Variants in TBC1D1 observed in about 807,000 individuals in gnomAD.
TBC1D1 encodes TBC1 domain family member 1.
In TBC1D1, 89 loss-of-function variants were observed where a neutral mutation model predicts 125.6. The ratio of observed to expected loss-of-function variants is 0.71; its 90% CI spans 0.60 to 0.85. The LOEUF (loss-of-function observed/expected upper bound fraction) is 0.85. Among genes scored for constraint, TBC1D1 ranks in the 40% least tolerant of loss-of-function variants. The probability of loss-of-function intolerance (pLI) is 0.00; values close to 1 mark genes in which losing one functional copy is unlikely to be tolerated. For missense variants in TBC1D1, 1,377 were observed against 1,469.2 expected (o/e 0.94, Z 1.03); for synonymous variants, 565 against 564.1 (o/e 1.00, Z -0.02).
intron 2 of TBC1D1, among the ~76,000 whole-genome samples, chr4:37,986,298 A>G (rs1047502270): frequency 1.3e-5 from 2 of 152,246 alleles, no homozygotes; most frequent in Non-Finnish European, 2.9e-5. Flanking sequence ...TTATGGCAGA[A>G]CTTAAAAAGT....
At chr4:38,129,738 G>A (rs1049876808) in intron 18 of TBC1D1, among the ~76,000 whole-genome samples, 18 of 152,214 alleles carry the variant, frequency 1.2e-4, no homozygotes, top group African/African-American at 4.3e-4. Context: ...ATTCACCGAA[G>A]AGGAGATATC....
At chr4:38,034,028 A>G (rs1440859460) in intron 7 of TBC1D1, among the ~76,000 whole-genome samples, 4 of 152,206 alleles carry the variant, frequency 2.6e-5, no homozygotes, top group Non-Finnish European at 5.9e-5. Flanking sequence ...AAGGAGTGCA[A>G]TTGCTGGGTT....
chr4:37,932,922 C>T (rs984296277), intron 2 of TBC1D1, among the ~76,000 whole-genome samples: 22 of 151,808 alleles, frequency 1.4e-4, no homozygotes, highest in Admixed American at 6.6e-4. Context: ...CCAGAGGTGG[C>T]GGCGGGTGCC....
intron 4 of TBC1D1, among the ~76,000 whole-genome samples, chr4:38,020,004 T>C (rs1743656119): frequency 6.6e-6 from 1 of 152,196 alleles, no homozygotes; most frequent in African/African-American, 2.4e-5. Context: ...AATACCTATG[T>C]CTCAAACAAA....
intron 18 of TBC1D1, among the ~76,000 whole-genome samples, chr4:38,126,664 G>A (rs1764699612): frequency 6.6e-6 from 1 of 152,172 alleles, no homozygotes; most frequent in African/African-American, 2.4e-5. Flanking sequence ...TTCTTGATGT[G>A]GATAGCTTTG....
chr4:38,082,328 C>A (rs1003801927), intron 12 of TBC1D1, among the ~76,000 whole-genome samples: 2 of 152,150 alleles, frequency 1.3e-5, no homozygotes, highest in Admixed American at 1.3e-4. Flanking sequence ...GTGGCACTGA[C>A]CAGGGGCCAT....
At chr4:38,061,561 T>G (rs1287235158) in intron 12 of TBC1D1, among the ~76,000 whole-genome samples, 1 of 152,218 alleles carries the variant, frequency 6.6e-6, no homozygotes, top group African/African-American at 2.4e-5. Flanking sequence ...AGACTTTATA[T>G]GTCTTGTAAA....
intron 6 of TBC1D1, among the ~76,000 whole-genome samples, chr4:38,023,527 T>C (rs1032649262): frequency 6.6e-6 from 1 of 152,256 alleles, no homozygotes; most frequent in African/African-American, 2.4e-5. Context: ...ACATCTGTTC[T>C]GTTTCTAGGT....
intron 2 of TBC1D1, among the ~76,000 whole-genome samples, chr4:37,919,063 T>G (rs1720344026): frequency 6.8e-6 from 1 of 146,242 alleles, no homozygotes; most frequent in Admixed American, 7.1e-5. Context: ...ATCTGGAGGC[T>G]TGAAGACTTA....
At chr4:37,922,538 A>G (rs1721231270) in intron 2 of TBC1D1, among the ~76,000 whole-genome samples, 1 of 152,204 alleles carries the variant, frequency 6.6e-6, no homozygotes, top group Non-Finnish European at 1.5e-5. Context: ...GGTAGGCAGT[A>G]AGCCAGACCA....
At chr4:38,019,747 A>G (rs1396747032) in intron 4 of TBC1D1, among the ~76,000 whole-genome samples, 1 of 152,204 alleles carries the variant, frequency 6.6e-6, no homozygotes, top group Non-Finnish European at 1.5e-5. Flanking sequence ...ATTAATATTT[A>G]TTAAAAATAG....
At chr4:37,930,635 TA>T (rs1166835806) in intron 2 of TBC1D1, among the ~76,000 whole-genome samples, 2 of 152,234 alleles carry the variant, frequency 1.3e-5, no homozygotes, top group Admixed American at 6.5e-5. Context: ...CTAAACATTT[TA>T]AAGTCAGGAT....
chr4:37,987,871 T>C (rs752777829), intron 2 of TBC1D1, among the ~76,000 whole-genome samples: 18 of 152,238 alleles, frequency 1.2e-4, no homozygotes, highest in Non-Finnish European at 2.6e-4. Context: ...TTCATAGTTA[T>C]TCAGCTTACC....
chr4:37,909,952 A>G (rs1349336357), intron 2 of TBC1D1, among the ~76,000 whole-genome samples: 1 of 152,174 alleles, frequency 6.6e-6, no homozygotes, highest in African/African-American at 2.4e-5. Flanking sequence ...TTTCGTCTAT[A>G]AAAAGAATGT....
intron 14 of TBC1D1, among the ~76,000 whole-genome samples, chr4:38,102,531 G>C (rs750399950): frequency 5.9e-5 from 9 of 152,090 alleles, no homozygotes; most frequent in Non-Finnish European, 1.3e-4. Flanking sequence ...AGGGGAAGAA[G>C]CAAATAGGGC....
At chr4:37,894,323 T>C (rs1017178884) in intron 1 of TBC1D1, among the ~76,000 whole-genome samples, 1 of 152,210 alleles carries the variant, frequency 6.6e-6, no homozygotes, top group Non-Finnish European at 1.5e-5. Flanking sequence ...TTCCATTTGA[T>C]GAGGTCTTAG....
chr4:37,982,858 T>A (rs1019721644), intron 2 of TBC1D1, among the ~76,000 whole-genome samples: 5 of 152,232 alleles, frequency 3.3e-5, no homozygotes, highest in African/African-American at 1.2e-4. Context: ...TAATCATTCA[T>A]TCATTGACGA....
intron 11 of TBC1D1, among the ~76,000 whole-genome samples, chr4:38,050,316 C>G (rs553075438): frequency 6.6e-6 from 1 of 152,296 alleles, no homozygotes; most frequent in Admixed American, 6.5e-5. Flanking sequence ...CATAGGGTGA[C>G]AGGGGTGCTT....
At chr4:38,075,455 C>T (rs1755423344) in intron 12 of TBC1D1, among the ~76,000 whole-genome samples, 1 of 152,150 alleles carries the variant, frequency 6.6e-6, no homozygotes. Flanking sequence ...CTGGGGTTTT[C>T]CAGGTGGAAA....
Sources: allele counts gnomAD v4.1 joint callset (sites outside exome capture counted in the v4.1 genomes callset), GRCh38; gene constraint gnomAD v4.1.1; transcripts MANE v1.5; gene names NCBI Gene and HGNC (gene_info 2026-07-23, HGNC 2026-07-21).